Variants in ALG5 observed in about 807,000 individuals in gnomAD.
ALG5 encodes dolichyl-phosphate beta-glucosyltransferase.
Under a neutral mutation model 51.8 loss-of-function variants are expected in ALG5, and 26 were observed. The observed-to-expected ratio is 0.50, with a 90% CI of 0.37 to 0.70. The LOEUF is 0.70. Ranked by LOEUF, ALG5 falls within the 30% of genes least tolerant of loss-of-function variation. The pLI is 0.00. For synonymous variants in ALG5, 141 were observed against 136.1 expected, an observed-to-expected ratio of 1.04 and a Z score of -0.25; for missense variants, 311 against 399.3, an observed-to-expected ratio of 0.78 and a Z score of 1.88.
At position 36,949,865 on chromosome 13, in the gene ALG5, T is replaced by G; in HGVS notation, c.*77A>C. The G allele has an allele frequency of 1.2e-6, 1 of 820,626 alleles. No individual in the cohort carries two copies. Among genetic ancestry groups the G allele is most frequent in the Admixed American group, 2.9e-5 (1 of 34,456 alleles). 50.8% of individuals were successfully genotyped at this position (820,626 alleles called of 1,614,324 possible). A position where few individuals can be genotyped will look rare whatever the true frequency, so the allele number is the denominator to read the frequency against. On this transcript the variant is annotated 3_prime_UTR_variant, in exon 10 of 10. Coordinates refer to ENST00000239891, the MANE Select transcript of ALG5 (RefSeq NM_013338.5). ...CAATGACAAGAAGTTTATTTCAGCT[T>G]TACTTAAAATTTTAGTTTCAAATGA...
At chr13:36,959,756 A>G (rs1593660191) in intron 8 of ALG5, among the ~76,000 whole-genome samples, 1 of 152,242 alleles carries the variant, frequency 6.6e-6, no homozygotes, top group African/African-American at 2.4e-5. Flanking sequence ...ATGTGAGGGT[A>G]GAATCAATTT....
intron 6 of ALG5, among the ~76,000 whole-genome samples, chr13:36,982,074 A>G (rs560843349): frequency 2.4e-4 from 37 of 152,288 alleles, no homozygotes; most frequent in African/African-American, 8.9e-4. Flanking sequence ...CTGGATGACA[A>G]AGCGAGACTC....
intron 3 of ALG5, among the ~76,000 whole-genome samples, 184 bp downstream of exon 3, chr13:36,994,805 C>T (rs2059041519): frequency 6.6e-6 from 1 of 152,006 alleles, no homozygotes; most frequent in East Asian, 1.9e-4. Flanking sequence ...GGGTCAACGA[C>T]CTGCCTCTGG....
At position 36,999,138 on chromosome 13, in the gene ALG5, G is replaced by A. The variant is rs140612477; in HGVS notation, c.66+97C>T. The stretch of plus-strand genomic sequence containing the variant: ...AATCTAGGGGAAAAGGGACTTCTCC[G>A]AGAACTGGTAGCGCGGAGGAGGGGA... On this transcript the variant is annotated intron_variant, in intron 1 of 9. Transcript: ENST00000239891. The A allele has an allele frequency of 2.4e-4, 292 of 1,193,492 alleles. No individual in the cohort carries two copies. The African/African-American group carries it at 3.6e-3, about 15-fold the overall frequency. 73.9% of individuals were successfully genotyped at this position (1,193,492 alleles called of 1,614,324 possible).
intron 8 of ALG5, among the ~76,000 whole-genome samples, chr13:36,955,872 C>G (rs1293391256): frequency 6.6e-6 from 1 of 151,966 alleles, no homozygotes; most frequent in Non-Finnish European, 1.5e-5. Context: ...CACACTTACA[C>G]GTAAGACCTG....
chr13:36,972,538 A>G (rs1256500299), intron 6 of ALG5, among the ~76,000 whole-genome samples: 1 of 152,136 alleles, frequency 6.6e-6, no homozygotes, highest in Non-Finnish European at 1.5e-5. Flanking sequence ...TAACACCAAT[A>G]AAAATGAAAA....
At chr13:36,983,267 G>T (rs533888903) in intron 6 of ALG5, among the ~76,000 whole-genome samples, 2 of 152,164 alleles carry the variant, frequency 1.3e-5, no homozygotes, top group South Asian at 4.1e-4. Flanking sequence ...TTTCTCTTGG[G>T]GTCCTCTGGA....
intron 1 of ALG5, among the ~76,000 whole-genome samples, chr13:36,997,499 A>AG (rs2059056913): frequency 6.6e-6 from 1 of 151,708 alleles, no homozygotes; most frequent in South Asian, 2.1e-4. Flanking sequence ...GACAAGGAAA[A>AG]GAAAAAAAGG....
chr13:36,972,803 T>C (rs745783127), intron 6 of ALG5, among the ~76,000 whole-genome samples: 2 of 151,922 alleles, frequency 1.3e-5, no homozygotes, highest in African/African-American at 2.4e-5. Flanking sequence ...TCATCCTGGC[T>C]AACACAGCGA....
At chr13:36,977,891 ATTT>A (rs201741282) in intron 6 of ALG5, among the ~76,000 whole-genome samples, 1 of 128,014 alleles carries the variant, frequency 7.8e-6, no homozygotes, top group Admixed American at 8.4e-5. Flanking sequence ...CTTTCTCAGT[ATTT>A]TTTTTTTTTT....
intron 8 of ALG5, among the ~76,000 whole-genome samples, chr13:36,965,029 C>T (rs146842918): frequency 6.6e-6 from 1 of 151,704 alleles, no homozygotes; most frequent in African/African-American, 2.4e-5. Flanking sequence ...AACACTTTTT[C>T]AAGAGAAGGT....
At chr13:36,977,310 T>G (rs2058956411) in intron 6 of ALG5, among the ~76,000 whole-genome samples, 1 of 152,172 alleles carries the variant, frequency 6.6e-6, no homozygotes, top group African/African-American at 2.4e-5. Flanking sequence ...ATAACTGAAT[T>G]TCCCATGGTT....
intron 8 of ALG5, among the ~76,000 whole-genome samples, chr13:36,956,882 C>T (rs1303093751): frequency 6.6e-6 from 1 of 152,016 alleles, no homozygotes; most frequent in East Asian, 1.9e-4. Context: ...GCGGGACCCT[C>T]CATTAGAAAT....
intron 3 of ALG5, 81 bp downstream of exon 3, chr13:36,994,908 T>G: frequency 1.6e-6 from 2 of 1,229,900 alleles, no homozygotes; most frequent in Admixed American, 1.9e-5. Context: ...CCTCTCACAG[T>G]GCATCTGGCT....
rs1286700455 is a variant in ALG5 at position 36,999,069 on chromosome 13, G to A, written c.66+166C>T. On this transcript the variant is annotated intron_variant, in intron 1 of 9. Transcript: ENST00000239891. ...GGGAAAATTAAAGAACCGAAGAAAAGGAGAGTGAAACTCCAGGAAACTCCG... is the reference window on the plus strand; with the variant it reads ...GGGAAAATTAAAGAACCGAAGAAAAAGAGAGTGAAACTCCAGGAAACTCCG... The A allele has an allele frequency of 1.0e-5, 5 of 477,914 alleles. No individual in the cohort carries two copies. The Admixed American group carries it at 1.8e-4, about 17-fold the overall frequency. 29.6% of individuals were successfully genotyped at this position (477,914 alleles called of 1,614,324 possible). A position where few individuals can be genotyped will look rare whatever the true frequency, so the allele number is the denominator to read the frequency against.
intron 7 of ALG5, among the ~76,000 whole-genome samples, chr13:36,967,043 C>T (rs927992132): frequency 9.2e-5 from 14 of 151,654 alleles, no homozygotes; most frequent in South Asian, 2.1e-4. Flanking sequence ...CCCAACATGG[C>T]GAAACCCCAT....
At chr13:36,954,093 T>C (rs1763848735) in intron 8 of ALG5, among the ~76,000 whole-genome samples, 1 of 152,060 alleles carries the variant, frequency 6.6e-6, no homozygotes, top group South Asian at 2.1e-4. Flanking sequence ...AAAAGGGTTT[T>C]TCGGTTTGTT....
chr13:36,983,571 TA>T (rs5802849), intron 6 of ALG5, among the ~76,000 whole-genome samples: 7 of 145,730 alleles, frequency 4.8e-5, no homozygotes, highest in Admixed American at 2.1e-4. Flanking sequence ...TTATCTCCTT[TA>T]AAAAAAAAAA....
At chr13:36,969,710 T>G (rs2058912502) in intron 7 of ALG5, among the ~76,000 whole-genome samples, 1 of 151,900 alleles carries the variant, frequency 6.6e-6, no homozygotes, top group Non-Finnish European at 1.5e-5. Context: ...AGTTTTTGTA[T>G]TTTTAGTAGA....
Sources: allele counts gnomAD v4.1 joint callset (sites outside exome capture counted in the v4.1 genomes callset), GRCh38; gene constraint gnomAD v4.1.1; transcripts MANE v1.5; gene names NCBI Gene and HGNC (gene_info 2026-07-23, HGNC 2026-07-21).